Variants in IMPG2 observed in about 807,000 individuals in gnomAD.
The protein encoded by IMPG2 is interphotoreceptor matrix proteoglycan 2, also known as IPM 200.
Under a neutral mutation model 129.2 loss-of-function variants are expected in IMPG2, and 91 were observed. The ratio of observed to expected loss-of-function variants is 0.70; its 90% CI spans 0.59 to 0.84. IMPG2 has a LOEUF of 0.84. IMPG2 is among the 40% of genes least tolerant of loss of function. The pLI is 0.00. For synonymous variants in IMPG2, 510 were observed against 517.7 expected (o/e 0.99, Z 0.20); for missense variants, 1,430 against 1,461.7 (o/e 0.98, Z 0.35).
chr3:101,293,959 C>G (rs932933526), intron 3 of IMPG2, among the ~76,000 whole-genome samples: 2 of 152,192 alleles, frequency 1.3e-5, no homozygotes, highest in African/African-American at 4.8e-5. Context: ...AATGTTATGG[C>G]TGGTTTGATC....
intron 6 of IMPG2, among the ~76,000 whole-genome samples, chr3:101,274,568 G>C (rs954130237): frequency 2.0e-5 from 3 of 152,164 alleles, no homozygotes; most frequent in African/African-American, 7.2e-5. Context: ...TTTTGAACCA[G>C]AGCTACAGCA....
At chr3:101,294,193 T>C (rs1416942444) in intron 3 of IMPG2, among the ~76,000 whole-genome samples, 1 of 152,152 alleles carries the variant, frequency 6.6e-6, no homozygotes, top group Non-Finnish European at 1.5e-5. Flanking sequence ...TCATCTAGGT[T>C]TCAAGCCCCG....
rs778474387 is a variant in IMPG2, at chr3:101,243,977, G to A, written c.2354C>T (p.Thr785Ile). The A allele has an allele frequency of 8.1e-6, 13 of 1,614,012 alleles. No individual in the cohort carries two copies. Among genetic ancestry groups the A allele is most frequent in the Non-Finnish European group, 1.0e-5 (12 of 1,180,012 alleles). ...CAATTTCTCTAGGGAAGAAGTTCTT[G>A]TCCAAACTCTCTCTGATTCTGGCAA... ...TILPESERVW[T>I]RTSSLEKLSR... Residue 785 changes from threonine to isoleucine, a missense_variant, in exon 13 of 19, where the codon ACA becomes ATA. Transcript: ENST00000193391.
At chr3:101,256,145 A>AG (rs1202407144) in intron 10 of IMPG2, among the ~76,000 whole-genome samples, 11 of 77,536 alleles carry the variant, frequency 1.4e-4, no homozygotes, top group African/African-American at 5.7e-4. Context: ...AGAAAGAAAG[A>AG]AAAGAAAGAA....
chr3:101,227,961 G>A (rs918912940), intron 18 of IMPG2: 1 of 406,714 alleles, frequency 2.5e-6, no homozygotes, highest in African/African-American at 2.1e-5. Flanking sequence ...AAGCATGCAT[G>A]AATTGCTCTG....
In IMPG2 at chr3:101,224,751, T is replaced by A. The variant is rs1706203616; in HGVS notation, c.*2218A>T. On this transcript the variant is annotated 3_prime_UTR_variant, in exon 19 of 19. Transcript: ENST00000193391. ...TCCTCAACTGAGGCCTCCTGTTCTT[T>A]CCCTGATAGTTGAGGGGCTCCTTTA... The A allele has an allele frequency of 6.6e-6, 1 of 152,252 alleles. No homozygotes were observed. Among genetic ancestry groups the A allele is most frequent in the South Asian group, 2.1e-4 (1 of 4,838 alleles). 9.4% of individuals were successfully genotyped at this position (152,252 alleles called of 1,614,324 possible).
intron 8 of IMPG2, among the ~76,000 whole-genome samples, chr3:101,269,288 G>C (rs1011731580): frequency 6.6e-6 from 1 of 152,114 alleles, no homozygotes; most frequent in Non-Finnish European, 1.5e-5. Flanking sequence ...TCTTAACCTA[G>C]CCAATTTTAG....
At chr3:101,310,573 A>C (rs1559660342) in intron 2 of IMPG2, among the ~76,000 whole-genome samples, 1 of 18,218 alleles carries the variant, frequency 5.5e-5, no homozygotes, top group Non-Finnish European at 1.9e-4. Context: ...AAAAAAAAAA[A>C]AAAAAAAAAA....
intron 10 of IMPG2, among the ~76,000 whole-genome samples, chr3:101,256,214 A>AACGAACG (rs1491520793): frequency 2.9e-4 from 44 of 150,418 alleles, no homozygotes; most frequent in African/African-American, 8.6e-4. Flanking sequence ...AGAAAGAAAG[A>AACGAACG]AAGAAAAAAA....
At chr3:101,285,919 T>C (rs1457304074) in intron 4 of IMPG2, among the ~76,000 whole-genome samples, 2 of 152,206 alleles carry the variant, frequency 1.3e-5, no homozygotes, top group East Asian at 1.9e-4. Context: ...TCATTCTTCA[T>C]GTTTGTCTTT....
At chr3:101,252,130 A>G (rs1449946477) in intron 11 of IMPG2, among the ~76,000 whole-genome samples, 1 of 152,186 alleles carries the variant, frequency 6.6e-6, no homozygotes, top group Non-Finnish European at 1.5e-5. Flanking sequence ...AGCGGCAGCC[A>G]CAAGCTCCAG....
rs1464499088 is a variant in IMPG2, at chr3:101,229,376, C to T, written c.3633+4G>A. 1 of 1,538,158 alleles carries T rather than the reference C, an allele frequency of 6.5e-7. No homozygotes were observed. Among genetic ancestry groups the T allele is most frequent in the East Asian group, 2.6e-5 (1 of 38,920 alleles). On this transcript the variant is annotated splice_donor_region_variant and intron_variant, in intron 17 of 18. Coordinates refer to ENST00000193391, the MANE Select transcript of IMPG2 (RefSeq NM_016247.4). Reference sequence around the variant, plus strand: ...GACAGCAACATAAATGCAAAGTTTCCCACCTCTCTGGAAAGCTCACTGCTC... The same window carrying T: ...GACAGCAACATAAATGCAAAGTTTCTCACCTCTCTGGAAAGCTCACTGCTC...
chr3:101,307,147 C>T (rs1016339613), intron 2 of IMPG2, among the ~76,000 whole-genome samples: 1 of 152,268 alleles, frequency 6.6e-6, no homozygotes, highest in Admixed American at 6.5e-5. Flanking sequence ...AAACTGTTCA[C>T]CATCATTCAT....
intron 9 of IMPG2, among the ~76,000 whole-genome samples, chr3:101,267,100 G>C (rs1209960519): frequency 6.6e-6 from 1 of 152,092 alleles, no homozygotes; most frequent in Non-Finnish European, 1.5e-5. Context: ...CAGCCTGTGA[G>C]CTAAATCCAG....
At chr3:101,236,119 T>G (rs1408797064) in intron 14 of IMPG2, among the ~76,000 whole-genome samples, 4 of 152,194 alleles carry the variant, frequency 2.6e-5, no homozygotes, top group Non-Finnish European at 1.5e-5. Flanking sequence ...AAAACAGGAT[T>G]GTGATTTGCA....
chr3:101,249,813 T>G lies in IMPG2; in HGVS notation c.1240-3708A>C, dbSNP rs1296935358. ...TCATGTCAAAAAAAAAAAAAAAAGA[T>G]CTAATTGGAGAGATGACTTCTCGCA... On this transcript the variant is annotated intron_variant, in intron 11 of 18. Coordinates refer to ENST00000193391, the MANE Select transcript of IMPG2 (RefSeq NM_016247.4). Among the ~76,000 whole-genome samples the G allele has an allele frequency of 3.4e-5, 5 of 147,692 alleles. No individual in the cohort carries two copies. In the South Asian group the frequency reaches 1.1e-3, roughly 32 times the overall value.
intron 3 of IMPG2, among the ~76,000 whole-genome samples, chr3:101,297,542 A>G (rs1419739071): frequency 6.6e-6 from 1 of 152,192 alleles, no homozygotes; most frequent in Non-Finnish European, 1.5e-5. Flanking sequence ...ATTTAGTGCT[A>G]TAAATTTCCC....
chr3:101,273,477 G>T, intron 7 of IMPG2, 104 bp downstream of exon 7: 2 of 1,241,042 alleles, frequency 1.6e-6, no homozygotes, highest in South Asian at 1.3e-5. Flanking sequence ...GAACCAAGTA[G>T]ACAAACAATT....
intron 11 of IMPG2, among the ~76,000 whole-genome samples, chr3:101,249,418 A>T (rs1259642836): frequency 6.6e-6 from 1 of 152,216 alleles, no homozygotes; most frequent in Non-Finnish European, 1.5e-5. Flanking sequence ...AGAATCACTT[A>T]AAACAACAAC....
Sources: allele counts gnomAD v4.1 joint callset (sites outside exome capture counted in the v4.1 genomes callset), GRCh38; gene constraint gnomAD v4.1.1; transcripts MANE v1.5; gene names NCBI Gene and HGNC (gene_info 2026-07-23, HGNC 2026-07-21).